Variants in ADAM12 observed in about 807,000 individuals in gnomAD.
ADAM12 encodes ADAM metallopeptidase domain 12.
Under a neutral mutation model 106.4 loss-of-function variants are expected in ADAM12, and 70 were observed. The ratio of observed to expected loss-of-function variants is 0.66; its 90% CI spans 0.54 to 0.80. ADAM12 has a LOEUF of 0.80. Ranked by LOEUF, ADAM12 falls within the 30% of genes least tolerant of loss-of-function variation. ADAM12 has a pLI of 0.00. For synonymous variants in ADAM12, 420 were observed against 433.5 expected, an observed-to-expected ratio of 0.97 and a Z score of 0.39; for missense variants, 1,010 against 1,171.9, an observed-to-expected ratio of 0.86 and a Z score of 2.02.
At chr10:126,173,264 A>T (rs560196470) in intron 3 of ADAM12, among the ~76,000 whole-genome samples, 1 of 152,312 alleles carries the variant, frequency 6.6e-6, no homozygotes, top group African/African-American at 2.4e-5. Flanking sequence ...ATAATAATAA[A>T]AACACAAATT....
intron 1 of ADAM12, 51 bp from the exon 2 acceptor site, chr10:126,330,560 T>C: frequency 6.6e-7 from 1 of 1,511,742 alleles, no homozygotes; most frequent in East Asian, 2.3e-5. Context: ...AGGAAGAGTT[T>C]GGCATCAGAA....
In ADAM12 at chr10:126,017,166, A is replaced by G. The variant is rs1210155652; in HGVS notation, c.*113T>C. 8 of 938,906 alleles carry G rather than the reference A, an allele frequency of 8.5e-6. No homozygotes were observed. Among genetic ancestry groups the G allele is most frequent in the Non-Finnish European group, 1.3e-5 (8 of 617,200 alleles). 58.2% of individuals were successfully genotyped at this position (938,906 alleles called of 1,614,324 possible). On this transcript the variant is annotated 3_prime_UTR_variant, in exon 23 of 23. Transcript: ENST00000448723. ...GGCAGTAGCTCAAAGTTCTTATAGT[A>G]ATGATGTTTTAAACATTAAAAAAAA...
chr10:126,037,136 T>C (rs890311708), intron 20 of ADAM12, among the ~76,000 whole-genome samples: 1 of 152,186 alleles, frequency 6.6e-6, no homozygotes, highest in Non-Finnish European at 1.5e-5. Context: ...TTTCTTCTTT[T>C]ACTCAGAATA....
At chr10:126,344,526 G>T (rs1855061139) in intron 1 of ADAM12, among the ~76,000 whole-genome samples, 1 of 152,122 alleles carries the variant, frequency 6.6e-6, no homozygotes, top group South Asian at 2.1e-4. Context: ...GGTTCCATAT[G>T]AACTTTAAAG....
intron 3 of ADAM12, among the ~76,000 whole-genome samples, chr10:126,202,720 C>A (rs1237360829): frequency 6.6e-6 from 1 of 152,126 alleles, no homozygotes; most frequent in Non-Finnish European, 1.5e-5. Context: ...GGCCAAGAGG[C>A]AAAAGAGCTT....
intron 5 of ADAM12, among the ~76,000 whole-genome samples, chr10:126,134,053 A>T (rs560638446): frequency 6.6e-6 from 1 of 152,270 alleles, no homozygotes; most frequent in South Asian, 2.1e-4. Context: ...TGCCCCCAGA[A>T]CCTAGAACAG....
At chr10:126,107,918 G>A (rs1365474914) in intron 8 of ADAM12, among the ~76,000 whole-genome samples, 1 of 152,156 alleles carries the variant, frequency 6.6e-6, no homozygotes, top group Non-Finnish European at 1.5e-5. Flanking sequence ...AAGGACAGGT[G>A]GTTTAGACAG....
chr10:126,357,542 AT>A (rs1187848575), intron 1 of ADAM12, among the ~76,000 whole-genome samples: 8 of 152,190 alleles, frequency 5.3e-5, no homozygotes, highest in African/African-American at 1.9e-4. Flanking sequence ...TAATAAAGAC[AT>A]ACCCAAGACT....
intron 5 of ADAM12, among the ~76,000 whole-genome samples, chr10:126,120,952 A>ATAATATATATTATATATTACATATG (rs1466679114): frequency 7.2e-6 from 1 of 138,120 alleles, no homozygotes; most frequent in African/African-American, 2.7e-5. Flanking sequence ...CATATGTAAT[A>ATAATATATATTATATATTACATATG]TAATATATAT....
chr10:126,162,701 C>T (rs1310405344), intron 3 of ADAM12, among the ~76,000 whole-genome samples: 1 of 152,136 alleles, frequency 6.6e-6, no homozygotes, highest in Non-Finnish European at 1.5e-5. Flanking sequence ...GGCCAGGACA[C>T]AACTGGATGG....
chr10:126,136,319 A>G (rs1313443521), intron 4 of ADAM12, among the ~76,000 whole-genome samples: 1 of 152,240 alleles, frequency 6.6e-6, no homozygotes, highest in Non-Finnish European at 1.5e-5. Flanking sequence ...GAAGACAGAT[A>G]TCAGTCCGGA....
chr10:126,082,363 GTT>G lies in ADAM12; in HGVS notation c.1146-10711_1146-10710del, dbSNP rs5788763. On this transcript the variant is annotated intron_variant, in intron 11 of 22. Transcript: ENST00000448723. ...CTCTGGAGAAGACAATCTAATGACT[GTT>G]TTTTTTTTTTTTTTTTTTTTTTATG... 9.3e-3 allele frequency among the ~76,000 whole-genome samples: 751 copies of G among 80,740 alleles called. 20 individuals are homozygous for G. The highest frequency in any genetic ancestry group is 0.084 in the East Asian group (218 of 2,598). 53.0% of individuals were successfully genotyped at this position (80,740 alleles called of 152,430 possible).
chr10:126,049,465 A>C lies in ADAM12; in HGVS notation c.1719-14T>G. The C allele has an allele frequency of 6.2e-7, 1 of 1,614,168 alleles. No individual in the cohort carries two copies. On this transcript the variant is annotated splice_polypyrimidine_tract_variant and intron_variant, in intron 15 of 22. Transcript: ENST00000448723. This position sits in a 1 kb window ranked among gnomAD's most constrained non-coding sequence, Gnocchi z 4.4. Reference sequence around the variant, plus strand: ...CATTTAGCATCTCTGGAAGGGTAAGAACAAACAATTCCCAAGGAGAAACCA... The same window carrying C: ...CATTTAGCATCTCTGGAAGGGTAAGCACAAACAATTCCCAAGGAGAAACCA...
chr10:126,228,279 A>G (rs571162157), intron 3 of ADAM12, among the ~76,000 whole-genome samples: 1 of 152,364 alleles, frequency 6.6e-6, no homozygotes, highest in East Asian at 1.9e-4. Context: ...TTGGAATGTA[A>G]GAGTTTTTGA....
chr10:126,278,772 A>G, intron 3 of ADAM12, 143 bp downstream of exon 3: 1 of 592,426 alleles, frequency 1.7e-6, no homozygotes, highest in East Asian at 2.9e-5. Context: ...TTTAAAGTTA[A>G]TTCTCACCTC....
At chr10:126,047,356 C>T (rs116247011) in intron 16 of ADAM12, among the ~76,000 whole-genome samples, 20,116 of 152,106 alleles carry the variant, frequency 0.13, 1,425 homozygotes, top group Middle Eastern at 0.28. Flanking sequence ...TCGGTGGGTG[C>T]GAATCCTGGC....
At chr10:126,143,776 T>C (rs969427112) in intron 4 of ADAM12, among the ~76,000 whole-genome samples, 8 of 152,010 alleles carry the variant, frequency 5.3e-5, no homozygotes, top group African/African-American at 1.9e-4. Flanking sequence ...TGTTTCTGGG[T>C]GTGTGTATGT....
chr10:126,239,504 G>C (rs1958482379), intron 3 of ADAM12, among the ~76,000 whole-genome samples: 1 of 152,136 alleles, frequency 6.6e-6, no homozygotes, highest in South Asian at 2.1e-4. Context: ...ACAGCTCAAA[G>C]CTTTTGTTGA....
intron 8 of ADAM12, among the ~76,000 whole-genome samples, chr10:126,105,303 A>G (rs1955743666): frequency 6.6e-6 from 1 of 152,210 alleles, no homozygotes; most frequent in Non-Finnish European, 1.5e-5. Flanking sequence ...GGACCCAAAC[A>G]CATCCCTTTT....
Sources: gnomAD v4.1 joint callset for allele counts (sites outside exome capture counted in the v4.1 genomes callset) on GRCh38, gnomAD v4.1.1 for gene constraint, Gnocchi (gnomAD v3.1) non-coding constraint, MANE v1.5 for transcripts, NCBI Gene and HGNC (gene_info 2026-07-23, HGNC 2026-07-21) for gene names.